TMPRSS11B: variants seen among roughly 807,000 people sequenced by gnomAD.
The protein encoded by TMPRSS11B is transmembrane serine protease 11B, also known as transmembrane protease serine 11B.
A neutral mutation model predicts 44.7 loss-of-function variants in TMPRSS11B; 53 were observed. That is an observed-to-expected ratio of 1.19 (90% CI 0.95 to 1.49). The LOEUF (loss-of-function observed/expected upper bound fraction) is 1.49, where lower values mean the gene tolerates loss of function less well. Among genes scored for constraint, TMPRSS11B ranks in the 40% most tolerant of loss-of-function variants. The pLI, the probability that TMPRSS11B is intolerant of heterozygous loss-of-function variation, is 0.00. For synonymous variants in TMPRSS11B, 140 were observed against 159.2 expected (o/e 0.88, Z 0.91); for missense variants, 526 against 494.8 (o/e 1.06, Z -0.60).
chr4:68,242,860 C>T (rs933895950), intron 1 of TMPRSS11B, among the ~76,000 whole-genome samples: 1 of 152,096 alleles, frequency 6.6e-6, no homozygotes, highest in Admixed American at 6.6e-5. Context: ...AGCCACTGCA[C>T]CTGGCCTATT....
At chr4:68,234,112 G>T (rs938355865) in intron 5 of TMPRSS11B, among the ~76,000 whole-genome samples, 1 of 151,348 alleles carries the variant, frequency 6.6e-6, no homozygotes, top group East Asian at 1.9e-4. Flanking sequence ...AGTGAGCCGA[G>T]ATCACGCCAC....
chr4:68,228,493 C>T (rs1438098512), intron 9 of TMPRSS11B, among the ~76,000 whole-genome samples: 1 of 152,206 alleles, frequency 6.6e-6, no homozygotes, highest in African/African-American at 2.4e-5. Flanking sequence ...ATCTTGTAAA[C>T]TTCTTCTAAG....
intron 9 of TMPRSS11B, among the ~76,000 whole-genome samples, chr4:68,228,489 T>C (rs1183313312): frequency 6.6e-6 from 1 of 152,236 alleles, no homozygotes; most frequent in African/African-American, 2.4e-5. Flanking sequence ...ATTCATCTTG[T>C]AAACTTCTTC....
chr4:68,238,254 A>G (rs1308651245), intron 2 of TMPRSS11B, among the ~76,000 whole-genome samples: 1 of 152,140 alleles, frequency 6.6e-6, no homozygotes, highest in Admixed American at 6.6e-5. Context: ...ATAGATTCTT[A>G]TATTTTTCCT....
Position 68,236,250 on chromosome 4 carries a change from A to G in TMPRSS11B, c.141T>C (p.Tyr47=), listed in dbSNP as rs1210676206. 4.4e-6 allele frequency: 7 copies of G among 1,602,872 alleles called. No homozygotes were observed. Among genetic ancestry groups the G allele is most frequent in the Non-Finnish European group, 5.1e-6 (6 of 1,174,460 alleles). The change falls in exon 3 of 10, where the codon TAT becomes TAC. Residue 47 remains tyrosine (Y), a synonymous_variant. Transcript: ENST00000332644. ...CTCCAGAAATATGAAAATCACCTTG[A>G]TAATAGTAAGTCTTCTCTGCAAAAT... is the stretch of plus-strand genomic sequence containing the variant. ...HFLAVEKTYY[Y]QGDFHISGVT... is the part of the protein sequence containing the mutation.
At position 68,241,814 on chromosome 4, in the gene TMPRSS11B, A is replaced by G. The variant is rs772629996; in HGVS notation, c.9-10T>C. The G allele has an allele frequency of 5.5e-5, 88 of 1,592,756 alleles. 1 individual carries two copies. Among genetic ancestry groups the G allele is most frequent in the Non-Finnish European group, 7.1e-5 (82 of 1,161,224 alleles). Reference sequence around the variant, plus strand: ...GGAAGATATGCCGTGCCTATGAAAGAGGAAAATTTTGGTTCAAATCAGATA... The same window carrying G: ...GGAAGATATGCCGTGCCTATGAAAGGGGAAAATTTTGGTTCAAATCAGATA... On this transcript the variant is annotated splice_polypyrimidine_tract_variant and intron_variant, in intron 1 of 9. Transcript: ENST00000332644.
At chr4:68,237,550 C>A (rs540373633) in intron 2 of TMPRSS11B, among the ~76,000 whole-genome samples, 1 of 152,156 alleles carries the variant, frequency 6.6e-6, no homozygotes, top group South Asian at 2.1e-4. Flanking sequence ...AACTAATTTA[C>A]ACTCCCAACA....
At chr4:68,242,395 T>C (rs867078935) in intron 1 of TMPRSS11B, among the ~76,000 whole-genome samples, 20 of 93,872 alleles carry the variant, frequency 2.1e-4, no homozygotes, top group African/African-American at 9.2e-4. Flanking sequence ...ATATATAATA[T>C]ATTATGTATT....
chr4:68,239,247 C>CT (rs1560444238), intron 2 of TMPRSS11B, among the ~76,000 whole-genome samples: 1 of 151,800 alleles, frequency 6.6e-6, no homozygotes, highest in African/African-American at 2.4e-5. Flanking sequence ...CCAGATCTCT[C>CT]TTGCGCGCTC....
intron 7 of TMPRSS11B, among the ~76,000 whole-genome samples, chr4:68,229,978 G>A (rs1279390560): frequency 2.0e-5 from 3 of 152,084 alleles, no homozygotes; most frequent in Non-Finnish European, 4.4e-5. Flanking sequence ...TGTACTCAGT[G>A]TTTAGCTCCC....
At chr4:68,232,485 G>T in intron 5 of TMPRSS11B, 69 bp from the exon 6 acceptor site, 1 of 1,406,924 alleles carries the variant, frequency 7.1e-7, no homozygotes, top group South Asian at 1.2e-5. Flanking sequence ...TTCAACCTAA[G>T]AACATAAATG....
chr4:68,230,874 C>T (rs1288431971), intron 7 of TMPRSS11B, among the ~76,000 whole-genome samples: 1 of 151,616 alleles, frequency 6.6e-6, no homozygotes, highest in African/African-American at 2.4e-5. Flanking sequence ...ACTTAGTTTC[C>T]TCATCTTCAA....
chr4:68,231,898 A>C, intron 6 of TMPRSS11B: 1 of 155,634 alleles, frequency 6.4e-6, no homozygotes, highest in Non-Finnish European at 1.4e-5. Flanking sequence ...GCTTGAGCCC[A>C]AGAGTTCCAG....
At chr4:68,235,960 C>T in intron 4 of TMPRSS11B, 42 bp downstream of exon 4, 1 of 1,247,364 alleles carries the variant, frequency 8.0e-7, no homozygotes, top group South Asian at 1.5e-5. Context: ...TGATATATCA[C>T]CTACTTTCCT....
intron 1 of TMPRSS11B, among the ~76,000 whole-genome samples, chr4:68,242,351 A>ATG (rs1479438190): frequency 1.9e-3 from 113 of 58,890 alleles, no homozygotes; most frequent in South Asian, 5.7e-3. Context: ...TATATTATAT[A>ATG]TAATATTATA....
intron 2 of TMPRSS11B, among the ~76,000 whole-genome samples, chr4:68,240,538 G>A (rs779850632): frequency 2.0e-5 from 3 of 152,096 alleles, no homozygotes; most frequent in Non-Finnish European, 2.9e-5. Context: ...CCCAGGAAAG[G>A]GGACCTGTTA....
chr4:68,229,909 A>G (rs545920405), intron 7 of TMPRSS11B, among the ~76,000 whole-genome samples: 1 of 151,654 alleles, frequency 6.6e-6, no homozygotes, highest in Non-Finnish European at 1.5e-5. Context: ...TTTTACCCTC[A>G]CCCTTCTACC....
rs1280989445 is a variant in TMPRSS11B, at chr4:68,227,401, TCTC to T, written c.*507_*509del. 1.1e-3 allele frequency: 147 copies of T among 134,414 alleles called. No homozygotes were observed. Among genetic ancestry groups the T allele is most frequent in the African/African-American group, 3.8e-3 (139 of 36,734 alleles). 8.3% of individuals were successfully genotyped at this position (134,414 alleles called of 1,614,324 possible). On this transcript the variant is annotated 3_prime_UTR_variant, in exon 10 of 10. Transcript: ENST00000332644. ...TATATTAGCCTTCTTTATTTTCTTC[TCTC>T]CTTTTTTTTTTTTTTTTTTTGAGAC...
rs767583001 is a variant in TMPRSS11B at position 68,232,407 on chromosome 4, T to C, written c.479A>G (p.Lys160Arg). Residue 160 changes from lysine (K) to arginine (R), a missense_variant, in exon 6 of 10, where the codon AAG (lysine) becomes AGG (arginine). Transcript: ENST00000332644. ...PASIKLMEISKAASEMLTNNC... is the reference protein window; with the variant it reads ...PASIKLMEISRAASEMLTNNC... ...GTTGGTAAGCATTTCAGAAGCAGCCTTGCTGATTTCTGAAAGTGAAAAACA... is the reference window on the plus strand; with the variant it reads ...GTTGGTAAGCATTTCAGAAGCAGCCCTGCTGATTTCTGAAAGTGAAAAACA... The C allele has an allele frequency of 1.4e-5, 23 of 1,611,842 alleles. No homozygotes were observed. In the South Asian group the frequency reaches 2.4e-4, roughly 17 times the overall value.
Sources: allele counts gnomAD v4.1 joint callset (sites outside exome capture counted in the v4.1 genomes callset), GRCh38; gene constraint gnomAD v4.1.1; transcripts MANE v1.5; gene names NCBI Gene and HGNC (gene_info 2026-07-23, HGNC 2026-07-21).